Variants in MYO9A observed in about 807,000 individuals in gnomAD.
MYO9A encodes myosin IXA.
A neutral mutation model predicts 293.3 loss-of-function variants in MYO9A; 103 were observed. The observed-to-expected ratio is 0.35, with a 90% CI of 0.30 to 0.41. MYO9A has a LOEUF of 0.41. Ranked by LOEUF, MYO9A falls within the 10% of genes least tolerant of loss-of-function variation. The pLI, the probability that MYO9A is intolerant of heterozygous loss-of-function variation, is 1.00. For synonymous variants in MYO9A, 1,001 were observed against 1,035.7 expected (o/e 0.97, Z 0.64); for missense variants, 2,685 against 3,033.0 (o/e 0.89, Z 2.69).
Position 71,959,885 on chromosome 15 carries a change from A to C in MYO9A, c.2182+16T>G, listed in dbSNP as rs752626465. ...AAAAGATGAAGTATGGTAGAATACT[A>C]ATAACTACTACTTACCAGTTTTTCT... On this transcript the variant is annotated intron_variant, in intron 14 of 41. Coordinates refer to ENST00000356056, the MANE Select transcript of MYO9A (RefSeq NM_006901.4). The C allele has an allele frequency of 6.2e-7, 1 of 1,601,282 alleles. No individual in the cohort carries two copies. The highest frequency in any genetic ancestry group is 1.1e-5 in the South Asian group (1 of 90,476).
At chr15:71,875,723 G>A in intron 32 of MYO9A, 68 bp downstream of exon 32, 1 of 762,656 alleles carries the variant, frequency 1.3e-6, no homozygotes, top group Non-Finnish European at 1.9e-6. Flanking sequence ...CATATATATT[G>A]TATGATATAC....
chr15:71,956,308 C>CT (rs2059176821), intron 14 of MYO9A, among the ~76,000 whole-genome samples: 1 of 21,906 alleles, frequency 4.6e-5, no homozygotes, highest in Non-Finnish European at 8.6e-5. Context: ...AAACCCGGCT[C>CT]TTAAAAAAAA....
chr15:72,101,066 T>C (rs1157859714), intron 1 of MYO9A, among the ~76,000 whole-genome samples: 1 of 107,078 alleles, frequency 9.3e-6, no homozygotes, highest in African/African-American at 3.5e-5. Context: ...GGGAGGGAGG[T>C]GGGGGGTTCA....
At chr15:72,085,154 G>A (rs2150460806) in intron 1 of MYO9A, among the ~76,000 whole-genome samples, 1 of 152,214 alleles carries the variant, frequency 6.6e-6, no homozygotes, top group Non-Finnish European at 1.5e-5. Context: ...CAGCACTTTG[G>A]GAGGCCAAGG....
chr15:72,030,420 G>T (rs145918738), intron 3 of MYO9A, among the ~76,000 whole-genome samples: 1,938 of 152,082 alleles, frequency 0.013, 28 homozygotes, highest in African/African-American at 0.02. Context: ...TTATTCATGG[G>T]GGATACATTC....
At position 72,008,053 on chromosome 15, in the gene MYO9A, T is replaced by C. The variant is rs72731383; in HGVS notation, c.1254-101A>G. 9,184 of 1,373,554 alleles carry C rather than the reference T, an allele frequency of 6.7e-3. 36 individuals are homozygous for C. The highest frequency in any genetic ancestry group is 8.3e-3 in the Admixed American group (334 of 40,066). The allele number at this position is 1,373,554 out of a possible 1,614,324, so 85.1% of individuals were successfully genotyped here. A position where few individuals can be genotyped will look rare whatever the true frequency, so the allele number is the denominator to read the frequency against. On this transcript the variant is annotated intron_variant, in intron 7 of 41. Coordinates refer to ENST00000356056, the MANE Select transcript of MYO9A (RefSeq NM_006901.4). ...AGCAAATTAACCTACAAATATGAAG[T>C]ATTTAGTCTTTGGAAAATAAGCAAT...
chr15:71,831,538 G>A (rs1238633312), intron 39 of MYO9A, among the ~76,000 whole-genome samples: 2 of 152,174 alleles, frequency 1.3e-5, no homozygotes, highest in African/African-American at 4.8e-5. Flanking sequence ...AGACATAAGA[G>A]TAAACTGAAA....
chr15:72,109,138 A>G (rs2080683058), intron 1 of MYO9A, among the ~76,000 whole-genome samples: 1 of 152,172 alleles, frequency 6.6e-6, no homozygotes, highest in African/African-American at 2.4e-5. Context: ...CTGTAATCCC[A>G]GCATTCTGGG....
Position 71,879,731 on chromosome 15 carries a change from G to C in MYO9A, c.5729C>G (p.Ser1910Cys). ...CATAGTCCAACTCACCGCCAATGCA[G>C]ATGAATAAAAGCTGAAGATATTCTG... ...FRQNIFSFYS[S>C]ALAMDDGKSI... Residue 1910 changes from serine to cysteine, a missense_variant, in exon 30 of 42, where the codon TCT (serine) becomes TGT (cysteine). By Grantham distance (112) the Ser-to-Cys change is moderately radical. Transcript: ENST00000356056. 6.2e-7 allele frequency: 1 copy of C among 1,609,922 alleles called. No homozygotes were observed. The highest frequency in any genetic ancestry group is 8.5e-7 in the Non-Finnish European group (1 of 1,176,436).
At chr15:71,970,013 A>G (rs900382127) in intron 12 of MYO9A, among the ~76,000 whole-genome samples, 1 of 152,218 alleles carries the variant, frequency 6.6e-6, no homozygotes, top group Non-Finnish European at 1.5e-5. Context: ...TGGTATTTAC[A>G]AAGTCCCAAG....
At chr15:72,074,851 T>C (rs529643254) in intron 1 of MYO9A, among the ~76,000 whole-genome samples, 1 of 151,938 alleles carries the variant, frequency 6.6e-6, no homozygotes, top group African/African-American at 2.4e-5. Flanking sequence ...ATAACTCAAT[T>C]CCATGTCAGA....
chr15:71,960,351 G>A, intron 13 of MYO9A: 1 of 412,554 alleles, frequency 2.4e-6, no homozygotes. Context: ...ATTTAAAAGT[G>A]TGGCACTCCT....
intron 12 of MYO9A, among the ~76,000 whole-genome samples, chr15:71,970,588 T>G (rs936550063): frequency 5.9e-5 from 9 of 152,246 alleles, no homozygotes; most frequent in African/African-American, 2.2e-4. Flanking sequence ...CTTTGCATCT[T>G]CTGGAATGTT....
At chr15:72,073,226 T>G (rs1375079783) in intron 1 of MYO9A, among the ~76,000 whole-genome samples, 3 of 152,182 alleles carry the variant, frequency 2.0e-5, no homozygotes, top group Admixed American at 6.5e-5. Context: ...CCTCTAAATA[T>G]CATTAAGACT....
chr15:71,871,378 A>G (rs1031498139), intron 32 of MYO9A, among the ~76,000 whole-genome samples: 1 of 152,116 alleles, frequency 6.6e-6, no homozygotes, highest in African/African-American at 2.4e-5. Context: ...TAGTCTCAAA[A>G]AAAGAAAGAA....
At chr15:71,876,585 G>C (rs1445143108) in intron 31 of MYO9A, among the ~76,000 whole-genome samples, 1 of 151,778 alleles carries the variant, frequency 6.6e-6, no homozygotes, top group Non-Finnish European at 1.5e-5. Context: ...ACAGGCGTGT[G>C]CCAGCACACC....
At chr15:71,859,228 G>C (rs1263605422) in intron 34 of MYO9A, among the ~76,000 whole-genome samples, 1 of 152,148 alleles carries the variant, frequency 6.6e-6, no homozygotes. Context: ...ATCGATAAAA[G>C]CCTGAATTTT....
chr15:71,829,698 C>T (rs1307972034), intron 40 of MYO9A, among the ~76,000 whole-genome samples: 1 of 152,022 alleles, frequency 6.6e-6, no homozygotes, highest in Non-Finnish European at 1.5e-5. Flanking sequence ...TTGGCTTAGC[C>T]TAAGAATTCC....
intron 34 of MYO9A, among the ~76,000 whole-genome samples, chr15:71,855,047 A>C (rs1045380050): frequency 7.2e-5 from 11 of 152,242 alleles, no homozygotes; most frequent in Non-Finnish European, 1.5e-4. Context: ...AGGCAGAGGT[A>C]CACACAGATC....
Sources: allele counts gnomAD v4.1 joint callset (sites outside exome capture counted in the v4.1 genomes callset), GRCh38; gene constraint gnomAD v4.1.1; transcripts MANE v1.5; gene names NCBI Gene and HGNC (gene_info 2026-07-23, HGNC 2026-07-21).